CASD1: variants seen among roughly 807,000 people sequenced by gnomAD.
CASD1 encodes the protein CAS1 domain sialic acid O acetyltransferase 1, also known as N-acetylneuraminate (7)9-O-acetyltransferase.
Under a neutral mutation model 100.0 loss-of-function variants are expected in CASD1, and 41 were observed. That is an observed-to-expected ratio of 0.41 (90% CI 0.32 to 0.53). The LOEUF (loss-of-function observed/expected upper bound fraction) is 0.53, where lower values mean the gene tolerates loss of function less well. CASD1 is among the 20% of genes least tolerant of loss of function. CASD1 has a pLI of 0.25. For missense variants in CASD1, 774 were observed against 948.7 expected, an observed-to-expected ratio of 0.82 and a Z score of 2.42; for synonymous variants, 321 against 315.6, an observed-to-expected ratio of 1.02 and a Z score of -0.18.
chr7:94,560,534 A>G (rs753038607), downstream of CASD1, among the ~76,000 whole-genome samples: 34 of 152,220 alleles, frequency 2.2e-4, no homozygotes, highest in Non-Finnish European at 4.0e-4. Context: ...TATCCAGGAA[A>G]AGTTTTAGAG....
the CASD1 span, among the ~76,000 whole-genome samples, chr7:94,576,130 T>C: frequency 6.6e-6 from 1 of 152,228 alleles, no homozygotes; most frequent in Non-Finnish European, 1.5e-5. Context: ...ATGATATGCT[T>C]ATGGAATAAG....
chr7:94,534,992 A>G (rs1028029666), intron 7 of CASD1, among the ~76,000 whole-genome samples: 1 of 152,222 alleles, frequency 6.6e-6, no homozygotes, highest in African/African-American at 2.4e-5. Flanking sequence ...TACCTGTTAT[A>G]ACTCAGCATC....
chr7:94,615,703 T>C, the CASD1 span, among the ~76,000 whole-genome samples: 3 of 152,162 alleles, frequency 2.0e-5, no homozygotes, highest in Admixed American at 6.5e-5. Flanking sequence ...AGTGGTAAGT[T>C]TGACAATCTC....
chr7:94,623,072 G>A, the CASD1 span, among the ~76,000 whole-genome samples: 6 of 152,040 alleles, frequency 3.9e-5, no homozygotes, highest in Admixed American at 6.6e-5. Context: ...CCCATTTTAA[G>A]GTAATGAAAA....
the CASD1 span, chr7:94,600,594 G>A: frequency 2.2e-6 from 3 of 1,341,180 alleles, no homozygotes; most frequent in South Asian, 3.6e-5. Flanking sequence ...AATCTTCTAT[G>A]TTGTTATCTT....
the CASD1 span, chr7:94,618,398 A>C: frequency 5.5e-6 from 1 of 181,474 alleles, no homozygotes; most frequent in Non-Finnish European, 1.1e-5. Flanking sequence ...TCCTAGAATA[A>C]AGTTACAGCA....
the CASD1 span, chr7:94,619,093 G>C: frequency 4.3e-6 from 3 of 692,470 alleles, no homozygotes; most frequent in Non-Finnish European, 7.8e-6. Context: ...GACTTTAAAG[G>C]CTTTCTGTTT....
chr7:94,517,439 C>T (rs1316121066), intron 1 of CASD1, 121 bp from the exon 2 acceptor site: 11 of 569,366 alleles, frequency 1.9e-5, no homozygotes, highest in South Asian at 1.5e-4. Flanking sequence ...TGAACCTGGG[C>T]GGTACAGTGA....
chr7:94,614,554 G>A, the CASD1 span, among the ~76,000 whole-genome samples: 1 of 152,046 alleles, frequency 6.6e-6, no homozygotes, highest in Admixed American at 6.6e-5. Flanking sequence ...CCTACCTTCG[G>A]TACTCGCCCA....
intron 16 of CASD1, among the ~76,000 whole-genome samples, chr7:94,552,863 G>T (rs1356720337): frequency 1.3e-5 from 2 of 152,162 alleles, no homozygotes; most frequent in Non-Finnish European, 2.9e-5. Context: ...CTTGAACCCA[G>T]AAGGCGGAGG....
At position 94,533,269 on chromosome 7, in the gene CASD1, C is replaced by A; in HGVS notation, c.504+20C>A. 1 of 1,592,968 alleles carries A rather than the reference C, an allele frequency of 6.3e-7. No homozygotes were observed. Among genetic ancestry groups the A allele is most frequent in the Non-Finnish European group, 8.6e-7 (1 of 1,165,322 alleles). On this transcript the variant is annotated intron_variant, in intron 6 of 17. Transcript: ENST00000297273. ...GCCACAGTAAGTTATCATCTGTATT[C>A]TTACTTAATGATTTTGTTTCACGTT...
chr7:94,538,899 CTTA>C (rs1216077658), intron 9 of CASD1, 65 bp from the exon 10 acceptor site: 7 of 769,356 alleles, frequency 9.1e-6, no homozygotes, highest in Admixed American at 5.2e-5. Context: ...TTTTAACATA[CTTA>C]TTATATGCCG....
At chr7:94,577,916 T>C in the CASD1 span, among the ~76,000 whole-genome samples, 1 of 152,206 alleles carries the variant, frequency 6.6e-6, no homozygotes, top group African/African-American at 2.4e-5. Flanking sequence ...GAAGGAACTC[T>C]ACCTTTGTTC....
At chr7:94,559,934 A>G (rs1796314040), downstream of CASD1, among the ~76,000 whole-genome samples, 1 of 152,234 alleles carries the variant, frequency 6.6e-6, no homozygotes, top group Non-Finnish European at 1.5e-5. Flanking sequence ...AATATTATAC[A>G]TGCCTATGTT....
chr7:94,632,921 C>T, the CASD1 span, among the ~76,000 whole-genome samples: 1 of 152,080 alleles, frequency 6.6e-6, no homozygotes, highest in Non-Finnish European at 1.5e-5. Flanking sequence ...ACAGTTAACA[C>T]ATGTTGCAGT....
In CASD1 at chr7:94,537,673, A is replaced by G. The variant is rs1795186901; in HGVS notation, c.1045A>G (p.Ser349Gly). The G allele has an allele frequency of 6.2e-7, 1 of 1,613,868 alleles. No individual in the cohort carries two copies. The highest frequency in any genetic ancestry group is 8.5e-7 in the Non-Finnish European group (1 of 1,179,824). Residue 349 changes from serine (S) to glycine (G), a missense_variant, in exon 9 of 18, where the codon AGT becomes GGT. Physicochemically the swap from Ser to Gly is moderately conservative, Grantham distance 56. This residue lies in a region of CASD1 where 453 missense variants were observed against 532.6 expected (regional missense o/e 0.85). Transcript: ENST00000297273. ...RKNKPCTDLE[S>G]GEEKKNIINT... ...GAATAAGCCGTGTACTGATTTGGAA[A>G]GTGGAGAGGAAAAGAAAAATATTAT...
chr7:94,575,437 G>A, the CASD1 span, among the ~76,000 whole-genome samples: 7 of 152,070 alleles, frequency 4.6e-5, no homozygotes, highest in Non-Finnish European at 1.0e-4. Context: ...CCATTGTTTT[G>A]CATTTGCTGA....
At chr7:94,550,688 T>G (rs1224621256) in intron 14 of CASD1, among the ~76,000 whole-genome samples, 2 of 152,028 alleles carry the variant, frequency 1.3e-5, no homozygotes, top group Non-Finnish European at 2.9e-5. Flanking sequence ...GGGTCTTTTT[T>G]TTTAAAGGGC....
chr7:94,621,093 G>T, the CASD1 span: 2 of 152,322 alleles, frequency 1.3e-5, no homozygotes, highest in African/African-American at 4.8e-5. Flanking sequence ...ACAGGAGACA[G>T]CTGGGCAGGG....
Sources: gnomAD v4.1 joint callset for allele counts (sites outside exome capture counted in the v4.1 genomes callset) on GRCh38, gnomAD v4.1.1 for gene constraint, gnomAD v4.1.1 regional missense constraint, MANE v1.5 for transcripts, NCBI Gene and HGNC (gene_info 2026-07-23, HGNC 2026-07-21) for gene names.